The following ITGA9 variants were observed in gnomAD, a reference collection of about 807,000 sequenced individuals.
ITGA9 encodes integrin subunit alpha 9, also known as integrin alpha-9.
A neutral mutation model predicts 127.8 loss-of-function variants in ITGA9; 56 were observed. The observed-to-expected ratio is 0.44, with a 90% CI of 0.35 to 0.55. The LOEUF is 0.55. Ranked by LOEUF, ITGA9 falls within the 20% of genes least tolerant of loss-of-function variation. The pLI, the probability that ITGA9 is intolerant of heterozygous loss-of-function variation, is 0.00. For missense variants in ITGA9, 1,196 were observed against 1,347.1 expected (o/e 0.89, Z 1.76); for synonymous variants, 508 against 514.5 (o/e 0.99, Z 0.17).
intron 15 of ITGA9, among the ~76,000 whole-genome samples, chr3:37,589,335 G>C (rs1699791146): frequency 6.6e-6 from 1 of 152,162 alleles, no homozygotes; most frequent in African/African-American, 2.4e-5. Context: ...CCTATCATGT[G>C]CAAGTACTAT....
chr3:37,477,394 A>G (rs1698504694), intron 3 of ITGA9, among the ~76,000 whole-genome samples: 1 of 152,190 alleles, frequency 6.6e-6, no homozygotes, highest in Admixed American at 6.5e-5. Context: ...GAAATGTCTC[A>G]GTGACCAAAG....
In ITGA9 at chr3:37,565,392, C is replaced by T. The variant is rs188616924; in HGVS notation, c.1689+22807C>T. Among the ~76,000 whole-genome samples the T allele has an allele frequency of 4.9e-3, 749 of 152,274 alleles. 6 individuals are homozygous for T. Among genetic ancestry groups the T allele is most frequent in the Non-Finnish European group, 7.1e-3 (482 of 68,038 alleles). Reference sequence around the variant, plus strand: ...GGCAAATAATTGATCACTCTGTGTTCTCAAGACAAGCAATGGGTAAGAAGA... The same window carrying T: ...GGCAAATAATTGATCACTCTGTGTTTTCAAGACAAGCAATGGGTAAGAAGA... On this transcript the variant is annotated intron_variant, in intron 15 of 27. Coordinates refer to ENST00000264741, the MANE Select transcript of ITGA9 (RefSeq NM_002207.3).
chr3:37,798,901 T>C (rs1361519849), intron 26 of ITGA9, among the ~76,000 whole-genome samples: 1 of 152,208 alleles, frequency 6.6e-6, no homozygotes, highest in Non-Finnish European at 1.5e-5. Context: ...GAGAATCATG[T>C]TTTTAACTTT....
chr3:37,538,766 C>G (rs1282721712), intron 14 of ITGA9, among the ~76,000 whole-genome samples: 1 of 152,224 alleles, frequency 6.6e-6, no homozygotes, highest in African/African-American at 2.4e-5. Context: ...CCTCCTCAGG[C>G]AGGGTCTCTC....
At chr3:37,706,240 A>G (rs1187996771) in intron 18 of ITGA9, among the ~76,000 whole-genome samples, 1 of 152,142 alleles carries the variant, frequency 6.6e-6, no homozygotes, top group Admixed American at 6.5e-5. Flanking sequence ...CAAGCTATCA[A>G]TATGCCCTCT....
intron 25 of ITGA9, among the ~76,000 whole-genome samples, 181 bp from the exon 26 acceptor site, chr3:37,784,796 T>G (rs1697019094): frequency 6.6e-6 from 1 of 152,172 alleles, no homozygotes; most frequent in African/African-American, 2.4e-5. Flanking sequence ...CAAAGAATCC[T>G]TAAGAGAGAC....
chr3:37,735,243 A>T (rs1696345502), intron 19 of ITGA9, among the ~76,000 whole-genome samples: 1 of 151,920 alleles, frequency 6.6e-6, no homozygotes, highest in South Asian at 2.1e-4. Flanking sequence ...TTTAATTCAG[A>T]TCTCCTCCCA....
intron 15 of ITGA9, among the ~76,000 whole-genome samples, chr3:37,586,760 G>T (rs1699763523): frequency 6.6e-6 from 1 of 152,190 alleles, no homozygotes; most frequent in Non-Finnish European, 1.5e-5. Context: ...GGGTCACCTG[G>T]TTATTGCCTG....
chr3:37,707,962 C>T (rs529735060), intron 18 of ITGA9, among the ~76,000 whole-genome samples: 16 of 152,244 alleles, frequency 1.1e-4, no homozygotes, highest in Non-Finnish European at 2.2e-4. Context: ...CTAGGCAGGG[C>T]CCAGGTAGCT....
chr3:37,532,633 GT>G (rs376588196), intron 13 of ITGA9, among the ~76,000 whole-genome samples: 83,006 of 151,618 alleles, frequency 0.55, 23,280 homozygotes, highest in East Asian at 0.73. Flanking sequence ...GAGCCCACAG[GT>G]GCTGTCCATT....
chr3:37,700,182 C>G (rs900941751), intron 18 of ITGA9, among the ~76,000 whole-genome samples: 2 of 152,130 alleles, frequency 1.3e-5, no homozygotes, highest in South Asian at 4.1e-4. Flanking sequence ...TGGGGTTTCA[C>G]CATGTTGGCT....
At chr3:37,750,643 C>T (rs897445972) in intron 23 of ITGA9, 74 bp downstream of exon 23, 4 of 1,002,282 alleles carry the variant, frequency 4.0e-6, no homozygotes, top group Non-Finnish European at 6.4e-6. Flanking sequence ...TTCCACCCTA[C>T]CCTGACATCC....
intron 15 of ITGA9, among the ~76,000 whole-genome samples, chr3:37,615,613 G>A (rs1700066550): frequency 6.6e-6 from 1 of 152,178 alleles, no homozygotes; most frequent in South Asian, 2.1e-4. Flanking sequence ...TGTTTGGTTG[G>A]TAAGCTATTA....
intron 13 of ITGA9, among the ~76,000 whole-genome samples, chr3:37,528,887 G>C (rs1699121282): frequency 6.6e-6 from 1 of 152,174 alleles, no homozygotes; most frequent in South Asian, 2.1e-4. Context: ...TGTCACCCCA[G>C]AGAGTTTCCT....
intron 17 of ITGA9, among the ~76,000 whole-genome samples, chr3:37,662,695 G>A (rs1243244937): frequency 6.6e-6 from 1 of 152,124 alleles, no homozygotes; most frequent in Non-Finnish European, 1.5e-5. Context: ...GCTTCACAAG[G>A]GCAACTTGGA....
chr3:37,509,804 GT>G (rs1200872673), intron 8 of ITGA9, among the ~76,000 whole-genome samples: 1 of 152,116 alleles, frequency 6.6e-6, no homozygotes, highest in Non-Finnish European at 1.5e-5. Context: ...CTGCAAAAGG[GT>G]TTTCCAAGCA....
intron 15 of ITGA9, among the ~76,000 whole-genome samples, chr3:37,560,295 GGCT>G (rs1699473910): frequency 6.6e-6 from 1 of 152,104 alleles, no homozygotes; most frequent in African/African-American, 2.4e-5. Flanking sequence ...CCTTTTTTAT[GGCT>G]GCATAGTATT....
At chr3:37,662,806 A>G (rs931968332) in intron 17 of ITGA9, among the ~76,000 whole-genome samples, 1 of 152,208 alleles carries the variant, frequency 6.6e-6, no homozygotes, top group African/African-American at 2.4e-5. Flanking sequence ...TCACAGAGAA[A>G]GATTTCTCTG....
At chr3:37,688,862 A>G (rs1266796097) in intron 18 of ITGA9, among the ~76,000 whole-genome samples, 8 of 152,044 alleles carry the variant, frequency 5.3e-5, no homozygotes, top group Non-Finnish European at 1.2e-4. Flanking sequence ...GTAGGTAGGT[A>G]GATGACTGGC....
Sources: gnomAD v4.1 joint callset for allele counts (sites outside exome capture counted in the v4.1 genomes callset) on GRCh38, gnomAD v4.1.1 for gene constraint, MANE v1.5 for transcripts, NCBI Gene and HGNC (gene_info 2026-07-23, HGNC 2026-07-21) for gene names.